Variants in EMG1 observed in about 807,000 individuals in gnomAD.
The protein encoded by EMG1 is EMG1 N1-specific pseudouridine methyltransferase.
A neutral mutation model predicts 26.9 loss-of-function variants in EMG1; 24 were observed. That is an observed-to-expected ratio of 0.89 (90% CI 0.65 to 1.26). The LOEUF (loss-of-function observed/expected upper bound fraction) is 1.26. Ranked by LOEUF, EMG1 falls within the 50% of genes most tolerant of loss-of-function variation. EMG1 has a pLI of 0.00. For missense variants in EMG1, 299 were observed against 307.6 expected, an observed-to-expected ratio of 0.97 and a Z score of 0.21; for synonymous variants, 140 against 112.6, an observed-to-expected ratio of 1.24 and a Z score of -1.54.
At chr12:6,981,539 T>A (rs1340918041), downstream of EMG1, 5 of 1,580,092 alleles carry the variant, frequency 3.2e-6, no homozygotes, top group African/African-American at 6.7e-5. Context: ...TGTTAACAAC[T>A]TTTTTCTTCC....
chr12:6,974,468 C>CTT (rs782288416), intron 2 of EMG1, 28 bp downstream of exon 2: 6 of 1,606,430 alleles, frequency 3.7e-6, no homozygotes, highest in Non-Finnish European at 5.1e-6. Context: ...GCTCACAACC[C>CTT]TTTGAGCCTC....
intron 1 of EMG1, among the ~76,000 whole-genome samples, chr12:6,973,277 C>T (rs1555152524): frequency 6.6e-6 from 1 of 152,142 alleles, no homozygotes; most frequent in Admixed American, 6.5e-5. Flanking sequence ...AAGCCATCCT[C>T]CCACCTTAGC....
rs781950080 is a variant in EMG1, at chr12:6,978,109, G to A, written c.*2300G>A. 3.5e-6 allele frequency: 2 copies of A among 575,214 alleles called. No individual in the cohort carries two copies. Among genetic ancestry groups the A allele is most frequent in the Non-Finnish European group, 6.1e-6 (2 of 327,856 alleles). The allele number at this position is 575,214 out of a possible 1,614,324, so 35.6% of individuals were successfully genotyped here. The stretch of plus-strand genomic sequence containing the variant: ...GGACATAAGTCCATTGGCAGAGCTG[G>A]AGTAACACCCAGGTCTTAACGCACT... On this transcript the variant is annotated 3_prime_UTR_variant, in exon 6 of 6. Transcript: ENST00000599672.
downstream of EMG1, among the ~76,000 whole-genome samples, chr12:6,984,507 T>G (rs1206858314): frequency 6.6e-6 from 1 of 152,262 alleles, no homozygotes; most frequent in African/African-American, 2.4e-5. Flanking sequence ...AACTGCTTTT[T>G]GGAAAGACAT....
intron 1 of EMG1, 55 bp from the exon 2 acceptor site, chr12:6,974,284 G>A (rs1435340146): frequency 8.3e-6 from 11 of 1,329,622 alleles, no homozygotes; most frequent in African/African-American, 5.8e-5. Flanking sequence ...GAAGAACCAC[G>A]GGGCTAGGTA....
chr12:6,977,205 A>G lies in EMG1; in HGVS notation c.*1396A>G. 1.9e-6 allele frequency: 3 copies of G among 1,613,942 alleles called. No individual in the cohort carries two copies. The highest frequency in any genetic ancestry group is 2.5e-6 in the Non-Finnish European group (3 of 1,179,768). The stretch of plus-strand genomic sequence containing the variant: ...ACCATTGCTTTGTGAATATAAGGCA[A>G]TATGAATAGTAGGCTCAGGAAGAAG... On this transcript the variant is annotated 3_prime_UTR_variant, in exon 6 of 6. Transcript: ENST00000599672. The surrounding 1 kb of genome is among the most constrained non-coding windows in gnomAD (Gnocchi z 4.5).
At chr12:6,981,128 G>C, downstream of EMG1, 1 of 1,613,810 alleles carries the variant, frequency 6.2e-7, no homozygotes, top group Non-Finnish European at 8.5e-7. Flanking sequence ...GCAACTTCCA[G>C]CAGGGAAGGA....
intron 1 of EMG1, among the ~76,000 whole-genome samples, chr12:6,974,081 G>A (rs1284889833): frequency 1.3e-5 from 2 of 152,210 alleles, no homozygotes; most frequent in Non-Finnish European, 2.9e-5. Context: ...GAAGTCACAG[G>A]TTGTGCCCTT....
At chr12:6,982,897 GAAT>G (rs1350972373), downstream of EMG1, 2 of 689,456 alleles carry the variant, frequency 2.9e-6, no homozygotes, top group Non-Finnish European at 5.2e-6. Context: ...TTTTTTTTCA[GAAT>G]AACCTCATGT....
At position 6,976,929 on chromosome 12, in the gene EMG1, C is replaced by T; in HGVS notation, c.*1120C>T. ...AGGAGTTTGGAAGGCTGGTTAGTTACTCCTGTAATTCCTGGTCTATAGCCC... is the reference window on the plus strand; with the variant it reads ...AGGAGTTTGGAAGGCTGGTTAGTTATTCCTGTAATTCCTGGTCTATAGCCC... On this transcript the variant is annotated 3_prime_UTR_variant, in exon 6 of 6. Coordinates refer to ENST00000599672, the MANE Select transcript of EMG1 (RefSeq NM_006331.8). 3 of 523,092 alleles carry T rather than the reference C, an allele frequency of 5.7e-6. No homozygotes were observed. Among genetic ancestry groups the T allele is most frequent in the South Asian group, 2.3e-5 (1 of 43,824 alleles). 32.4% of individuals were successfully genotyped at this position (523,092 alleles called of 1,614,324 possible).
In EMG1 at chr12:6,975,485, T is replaced by C. The variant is rs890216560; in HGVS notation, c.621+107T>C. On this transcript the variant is annotated intron_variant, in intron 5 of 5. Coordinates refer to ENST00000599672, the MANE Select transcript of EMG1 (RefSeq NM_006331.8). ...TGCTTACAATGAGCTAGAAGACACA[T>C]GACAGTTCCACACCCTGCCCCAGGG... The C allele has an allele frequency of 4.7e-6, 6 of 1,273,442 alleles. No individual in the cohort carries two copies. In the South Asian group the frequency reaches 8.8e-5, roughly 19 times the overall value. The allele number at this position is 1,273,442 out of a possible 1,614,324, so 78.9% of individuals were successfully genotyped here. A position where few individuals can be genotyped will look rare whatever the true frequency, so the allele number is the denominator to read the frequency against.
downstream of EMG1, chr12:6,981,322 T>C (rs782665901): frequency 2.2e-5 from 16 of 736,442 alleles, no homozygotes; most frequent in Non-Finnish European, 3.3e-5. Flanking sequence ...AAATAGTTGC[T>C]TCTTGTGGAA....
chr12:6,996,429 T>C (rs1317886752), intron 7 of EMG1, among the ~76,000 whole-genome samples: 1 of 152,222 alleles, frequency 6.6e-6, no homozygotes, highest in Non-Finnish European at 1.5e-5. Context: ...TTTCTATTTT[T>C]CTTCTCAGTA....
In EMG1 at chr12:6,977,798, C is replaced by T. The variant is rs945676661; in HGVS notation, c.*1989C>T. On this transcript the variant is annotated 3_prime_UTR_variant, in exon 6 of 6. Transcript: ENST00000599672. The surrounding 1 kb of genome is among the most constrained non-coding windows in gnomAD (Gnocchi z 4.5). ...CTCAAACTGACTGGTCCTTGCATCC[C>T]GCCACCTGCCTCTGGGTCCTCACCC... The T allele has an allele frequency of 6.1e-5, 98 of 1,604,918 alleles. No homozygotes were observed. The highest frequency in any genetic ancestry group is 3.4e-4 in the Middle Eastern group (2 of 5,926).
At chr12:6,996,578 A>G (rs1946637561) in intron 7 of EMG1, among the ~76,000 whole-genome samples, 1 of 152,240 alleles carries the variant, frequency 6.6e-6, no homozygotes, top group Admixed American at 6.5e-5. Flanking sequence ...TATTAGCTGA[A>G]TGGCCGAACA....
chr12:6,975,819 A>G lies in EMG1; in HGVS notation c.*10A>G. 6.6e-7 allele frequency: 1 copy of G among 1,513,726 alleles called. No homozygotes were observed. Among genetic ancestry groups the G allele is most frequent in the Non-Finnish European group, 9.2e-7 (1 of 1,088,706 alleles). The allele number at this position is 1,513,726 out of a possible 1,614,324, so 93.8% of individuals were successfully genotyped here. On this transcript the variant is annotated 3_prime_UTR_variant, in exon 6 of 6. Coordinates refer to ENST00000599672, the MANE Select transcript of EMG1 (RefSeq NM_006331.8). ...ATGGGGGGTCATTTGACAGTAGTAG[A>G]ACCTGTTCTGAAACCAGAAACTGTT...
At position 6,975,287 on chromosome 12, in the gene EMG1, CT is replaced by C; in HGVS notation, c.535del (p.Ser179ProfsTer22). ...GTTGGATGTATGAAAGTTGGCACTT[CT>C]TTTTCCATCCCGGTTGTCAGTGATG... The part of the protein sequence containing the change: ...FPVGCMKVGT[S>X]FSIPVVSDVR... On this transcript the variant is annotated frameshift_variant, in exon 5 of 6. Transcript: ENST00000599672. LOFTEE classifies it high-confidence loss of function. 1 of 1,612,908 alleles carries C rather than the reference CT, an allele frequency of 6.2e-7. No individual in the cohort carries two copies. Among genetic ancestry groups the C allele is most frequent in the Non-Finnish European group, 8.5e-7 (1 of 1,179,306 alleles).
At chr12:6,994,781 A>G (rs1441724913) in intron 7 of EMG1, among the ~76,000 whole-genome samples, 11 of 152,280 alleles carry the variant, frequency 7.2e-5, no homozygotes, top group Admixed American at 5.9e-4. Flanking sequence ...TTCTGTGCTT[A>G]CTTCTGGCAT....
In EMG1 at chr12:6,977,719, A is replaced by G. The variant is rs781863798; in HGVS notation, c.*1910A>G. ...ACCCTGAGAGAGTTCTTTATTTCCAAGGAACTTGAGTCGTTTGAAGATGTA... is the reference window on the plus strand; with the variant it reads ...ACCCTGAGAGAGTTCTTTATTTCCAGGGAACTTGAGTCGTTTGAAGATGTA... On this transcript the variant is annotated 3_prime_UTR_variant, in exon 6 of 6. Transcript: ENST00000599672. This position sits in a 1 kb window ranked among gnomAD's most constrained non-coding sequence, Gnocchi z 4.5. 3.1e-6 allele frequency: 5 copies of G among 1,614,044 alleles called. No homozygotes were observed. In the African/African-American group the frequency reaches 6.7e-5, roughly 22 times the overall value.
Sources: allele counts gnomAD v4.1 joint callset (sites outside exome capture counted in the v4.1 genomes callset), GRCh38; gene constraint gnomAD v4.1.1; non-coding constraint Gnocchi (gnomAD v3.1); transcripts MANE v1.5; gene names NCBI Gene and HGNC (gene_info 2026-07-23, HGNC 2026-07-21).